EMB: variants seen among roughly 807,000 people sequenced by gnomAD.
The protein encoded by EMB is embigin homolog.
A neutral mutation model predicts 41.4 loss-of-function variants in EMB; 31 were observed. The observed-to-expected ratio is 0.75, with a 90% CI of 0.56 to 1.01. The LOEUF (loss-of-function observed/expected upper bound fraction) is 1.01. EMB is among the 50% of genes least tolerant of loss of function. The pLI, the probability that EMB is intolerant of heterozygous loss-of-function variation, is 0.00. For missense variants in EMB, 379 were observed against 388.3 expected (o/e 0.98, Z 0.20); for synonymous variants, 137 against 140.4 (o/e 0.98, Z 0.17).
At chr5:50,438,771 A>G (rs997724350) in intron 1 of EMB, among the ~76,000 whole-genome samples, 1 of 152,176 alleles carries the variant, frequency 6.6e-6, no homozygotes, top group African/African-American at 2.4e-5. Context: ...TGTCTTGTAC[A>G]TTATTCCACA....
rs1745096358 is a variant in EMB, at chr5:50,397,844, A to C, written c.*1429T>G. On this transcript the variant is annotated 3_prime_UTR_variant, in exon 9 of 9. Coordinates refer to ENST00000303221, the MANE Select transcript of EMB (RefSeq NM_198449.3). ...AAGATGCTTTACAACAAAATATTGCATTTTGTTATAGCAACAAAGTATTGA... is the reference window on the plus strand; with the variant it reads ...AAGATGCTTTACAACAAAATATTGCCTTTTGTTATAGCAACAAAGTATTGA... The C allele has an allele frequency of 6.6e-6, 1 of 152,058 alleles. No individual in the cohort carries two copies. The highest frequency in any genetic ancestry group is 6.6e-5 in the Admixed American group (1 of 15,238). The allele number at this position is 152,058 out of a possible 1,614,324, so 9.4% of individuals were successfully genotyped here.
At chr5:50,442,420 C>A (rs1464988414), upstream of EMB, among the ~76,000 whole-genome samples, 1 of 152,104 alleles carries the variant, frequency 6.6e-6, no homozygotes, top group Non-Finnish European at 1.5e-5. Context: ...TAATACAATT[C>A]ATTCAACAAT....
In EMB at chr5:50,403,268, G is replaced by C. The variant is rs775804609; in HGVS notation, c.787C>G (p.Pro263Ala). Residue 263 changes from proline (P) to alanine (A), a missense_variant, in exon 6 of 9, where the codon CCA (proline) becomes GCA (alanine). By Grantham distance (27) the Pro-to-Ala change is conservative. Coordinates refer to ENST00000303221, the MANE Select transcript of EMB (RefSeq NM_198449.3). ...ACCTCAGCCACTATTACAAGAAATG[G>C]TTTGAGGGGCACCAAATAGCTCAGC... Reference protein sequence around the residue: ...VVLSYLVPLKPFLVIVAEVIL... With the variant: ...VVLSYLVPLKAFLVIVAEVIL... The C allele has an allele frequency of 3.1e-6, 5 of 1,612,616 alleles. No individual in the cohort carries two copies. Among genetic ancestry groups the C allele is most frequent in the Non-Finnish European group, 4.2e-6 (5 of 1,179,210 alleles).
At position 50,441,084 on chromosome 5, in the gene EMB, A is replaced by G. The variant is rs1236582022; in HGVS notation, c.68T>C (p.Leu23Pro). The G allele has an allele frequency of 6.6e-7, 1 of 1,518,364 alleles. No homozygotes were observed. The allele number at this position is 1,518,364 out of a possible 1,614,324, so 94.1% of individuals were successfully genotyped here. ...CGAGCTTGGGCGCGCGGCAGCGAGA[A>G]GGCACTGGAGGAGGAGCAGCCGGGG... ...RTPRLLLLQC[L>P]LAAARPSSAD... The change falls in exon 1 of 9, where the codon CTT becomes CCT. Residue 23 changes from leucine to proline, a missense_variant. By Grantham distance (98) the Leu-to-Pro change is moderately conservative. Coordinates refer to ENST00000303221, the MANE Select transcript of EMB (RefSeq NM_198449.3).
intron 2 of EMB, among the ~76,000 whole-genome samples, chr5:50,416,915 C>A (rs1437178571): frequency 6.6e-6 from 1 of 152,030 alleles, no homozygotes; most frequent in Non-Finnish European, 1.5e-5. Context: ...TTCTGAATAC[C>A]TTGTCCCTTA....
chr5:50,442,389 T>C (rs1163567004), upstream of EMB, among the ~76,000 whole-genome samples: 3 of 152,138 alleles, frequency 2.0e-5, no homozygotes, highest in African/African-American at 7.2e-5. Context: ...ATTCTTCAAA[T>C]TGGCAGTGAG....
intron 1 of EMB, among the ~76,000 whole-genome samples, chr5:50,430,058 C>T (rs956306468): frequency 6.6e-6 from 1 of 151,712 alleles, no homozygotes; most frequent in African/African-American, 2.4e-5. Flanking sequence ...AAAAGAAAGG[C>T]TCCCATAAAT....
chr5:50,412,931 T>A (rs1745366871), intron 2 of EMB, among the ~76,000 whole-genome samples: 1 of 114,310 alleles, frequency 8.7e-6, no homozygotes, highest in Non-Finnish European at 1.8e-5. Context: ...ATTTCTGGGA[T>A]ACTGGTGTAA....
At chr5:50,432,678 A>G (rs1437045140) in intron 1 of EMB, among the ~76,000 whole-genome samples, 1 of 151,490 alleles carries the variant, frequency 6.6e-6, no homozygotes, top group Non-Finnish European at 1.5e-5. Flanking sequence ...AAGAGGAAAA[A>G]GGAAATAAGG....
At chr5:50,421,012 T>A (rs1167751514) in intron 2 of EMB, among the ~76,000 whole-genome samples, 1 of 152,208 alleles carries the variant, frequency 6.6e-6, no homozygotes, top group African/African-American at 2.4e-5. Context: ...AAATTACTAA[T>A]CTAGCAGGGG....
intron 1 of EMB, 152 bp from the exon 2 acceptor site, chr5:50,428,379 TAG>T: frequency 8.1e-7 from 1 of 1,234,382 alleles, no homozygotes; most frequent in Non-Finnish European, 1.0e-6. Flanking sequence ...CAAAGACATT[TAG>T]AGATATATTA....
At chr5:50,417,055 A>G (rs1745441209) in intron 2 of EMB, among the ~76,000 whole-genome samples, 1 of 152,182 alleles carries the variant, frequency 6.6e-6, no homozygotes, top group Non-Finnish European at 1.5e-5. Flanking sequence ...CCCTGCCTCA[A>G]TAAAGCTGAT....
In EMB at chr5:50,410,983, T is replaced by C; in HGVS notation, c.384-18A>G. On this transcript the variant is annotated intron_variant, in intron 3 of 8. Coordinates refer to ENST00000303221, the MANE Select transcript of EMB (RefSeq NM_198449.3). ...TGGTGAACCTAAAGATAATTCAAGT[T>C]ATTAATATAGGCTTAGTTCTCAAAA... The C allele has an allele frequency of 6.5e-7, 1 of 1,539,118 alleles. No homozygotes were observed. The highest frequency in any genetic ancestry group is 1.7e-4 in the Middle Eastern group (1 of 5,810).
At chr5:50,437,229 C>G (rs1276816122) in intron 1 of EMB, among the ~76,000 whole-genome samples, 2 of 152,036 alleles carry the variant, frequency 1.3e-5, no homozygotes, top group South Asian at 2.1e-4. Flanking sequence ...CATGAGTGTG[C>G]CTCGGTACTC....
chr5:50,438,321 C>A (rs1745839183), intron 1 of EMB, among the ~76,000 whole-genome samples: 1 of 152,176 alleles, frequency 6.6e-6, no homozygotes, highest in African/African-American at 2.4e-5. Context: ...CGTGAATGTG[C>A]CTCTGCCCTC....
upstream of EMB, chr5:50,441,426 G>T: frequency 3.6e-6 from 1 of 280,318 alleles, no homozygotes; most frequent in East Asian, 5.9e-5. Context: ...CTTCCCGGCT[G>T]CAGCCTCTCC....
upstream of EMB, chr5:50,441,472 G>A (rs1010654934): frequency 4.7e-6 from 1 of 214,132 alleles, no homozygotes; most frequent in African/African-American, 2.3e-5. Flanking sequence ...GGTCGGGAGA[G>A]AGCTTGGGCA....
At chr5:50,407,679 A>AG (rs1322902579) in intron 4 of EMB, among the ~76,000 whole-genome samples, 1 of 152,046 alleles carries the variant, frequency 6.6e-6, no homozygotes, top group Non-Finnish European at 1.5e-5. Flanking sequence ...TCTGGGGTTC[A>AG]GGGCCACAGC....
chr5:50,402,231 ATGTTTC>A, intron 7 of EMB, 49 bp downstream of exon 7: 1 of 1,544,540 alleles, frequency 6.5e-7, no homozygotes, highest in South Asian at 1.1e-5. Context: ...ATTCAATTTT[ATGTTTC>A]CCTGTATTTT....
Sources: allele counts gnomAD v4.1 joint callset (sites outside exome capture counted in the v4.1 genomes callset), GRCh38; gene constraint gnomAD v4.1.1; transcripts MANE v1.5; gene names NCBI Gene and HGNC (gene_info 2026-07-23, HGNC 2026-07-21).